Variants in LIN28B observed in about 807,000 individuals in gnomAD.
LIN28B encodes protein lin-28 homolog B.
Under a neutral mutation model 21.9 loss-of-function variants are expected in LIN28B, and 5 were observed. The ratio of observed to expected loss-of-function variants is 0.23; its 90% CI spans 0.12 to 0.48. LIN28B has a LOEUF of 0.48. Ranked by LOEUF, LIN28B falls within the 20% of genes least tolerant of loss-of-function variation. The pLI is 0.98. For synonymous variants in LIN28B, 109 were observed against 111.3 expected, an observed-to-expected ratio of 0.98 and a Z score of 0.13; for missense variants, 245 against 310.5, an observed-to-expected ratio of 0.79 and a Z score of 1.58.
rs559909955 is a variant in LIN28B, at chr6:105,002,931, A to G, written c.199-23367A>G. On this transcript the variant is annotated intron_variant, in intron 2 of 3. Transcript: ENST00000345080. ...GGGCAACAGCATTGTATAGATAGTG[A>G]AAAAGAACACAGACCTTAAAGACAG... 2.0e-5 allele frequency among the ~76,000 whole-genome samples: 3 copies of G among 152,320 alleles called. No homozygotes were observed. In the East Asian group the frequency reaches 5.8e-4, roughly 29 times the overall value.
At chr6:105,001,643 TC>T (rs1339475318) in intron 2 of LIN28B, among the ~76,000 whole-genome samples, 2 of 152,120 alleles carry the variant, frequency 1.3e-5, no homozygotes, top group African/African-American at 4.8e-5. Flanking sequence ...ATTAACAAGG[TC>T]AGTGAACTGC....
chr6:105,040,788 ATT>A (rs1771616503), intron 3 of LIN28B, among the ~76,000 whole-genome samples: 2 of 152,106 alleles, frequency 1.3e-5, no homozygotes, highest in Non-Finnish European at 2.9e-5. Flanking sequence ...GATTTGGTAT[ATT>A]TTACTAAGAA....
At chr6:105,023,273 A>G (rs1214637512) in intron 2 of LIN28B, among the ~76,000 whole-genome samples, 9 of 46,982 alleles carry the variant, frequency 1.9e-4, no homozygotes, top group Non-Finnish European at 3.0e-4. Flanking sequence ...ATTATTTATT[A>G]TTATATATAT....
At chr6:105,023,650 T>A (rs1376033610) in intron 2 of LIN28B, among the ~76,000 whole-genome samples, 1 of 91,170 alleles carries the variant, frequency 1.1e-5, no homozygotes, top group Non-Finnish European at 2.0e-5. Flanking sequence ...AAATATATAA[T>A]ATATATATAT....
intron 2 of LIN28B, among the ~76,000 whole-genome samples, chr6:104,988,264 G>T (rs1010715609): frequency 7.2e-5 from 11 of 152,016 alleles, no homozygotes; most frequent in Non-Finnish European, 4.4e-5. Flanking sequence ...ATGAACAAAT[G>T]TTTTATCAAA....
At chr6:104,998,383 A>G (rs1166274115) in intron 2 of LIN28B, among the ~76,000 whole-genome samples, 4 of 152,200 alleles carry the variant, frequency 2.6e-5, no homozygotes, top group Non-Finnish European at 5.9e-5. Context: ...ATACTTAACA[A>G]TGAGCTTATT....
At chr6:104,980,944 A>G (rs993176987) in intron 2 of LIN28B, among the ~76,000 whole-genome samples, 3 of 152,070 alleles carry the variant, frequency 2.0e-5, no homozygotes, top group Non-Finnish European at 2.9e-5. Context: ...TTTTCATGCT[A>G]TATATTTTCT....
chr6:105,007,219 GATAA>G (rs1271510775), intron 2 of LIN28B, among the ~76,000 whole-genome samples: 5 of 152,212 alleles, frequency 3.3e-5, no homozygotes, highest in South Asian at 2.1e-4. Flanking sequence ...AGTAGTTTAA[GATAA>G]ATAATTTAGA....
At chr6:104,978,089 A>G (rs1400021560) in intron 2 of LIN28B, among the ~76,000 whole-genome samples, 1 of 152,176 alleles carries the variant, frequency 6.6e-6, no homozygotes, top group Non-Finnish European at 1.5e-5. Context: ...CCACTCTTAC[A>G]TATTCATTAT....
upstream of LIN28B, among the ~76,000 whole-genome samples, chr6:104,956,732 T>C (rs1300878505): frequency 6.6e-6 from 1 of 152,206 alleles, no homozygotes; most frequent in Non-Finnish European, 1.5e-5. Flanking sequence ...ATCGGTTGTT[T>C]TATTTAAACG....
intron 3 of LIN28B, among the ~76,000 whole-genome samples, chr6:105,059,751 G>A (rs778707857): frequency 7.9e-5 from 12 of 152,036 alleles, no homozygotes; most frequent in Non-Finnish European, 1.6e-4. Context: ...ATGGCAAATA[G>A]GAATTCATGT....
At chr6:104,986,204 G>A (rs1008144332) in intron 2 of LIN28B, among the ~76,000 whole-genome samples, 7 of 152,064 alleles carry the variant, frequency 4.6e-5, no homozygotes, top group Non-Finnish European at 1.0e-4. Context: ...CTTCTGCCAT[G>A]ATTGTAAGTT....
chr6:104,961,733 A>C (rs1209119293), intron 2 of LIN28B, among the ~76,000 whole-genome samples: 2 of 152,148 alleles, frequency 1.3e-5, no homozygotes, highest in Admixed American at 1.3e-4. Flanking sequence ...TGATTTCATA[A>C]ATCAGAATAT....
upstream of LIN28B, among the ~76,000 whole-genome samples, chr6:104,956,574 A>G (rs1440493285): frequency 6.6e-6 from 1 of 152,184 alleles, no homozygotes; most frequent in African/African-American, 2.4e-5. Context: ...CATTATCTAA[A>G]GTTTCATGGG....
At chr6:105,071,031 C>T (rs960854311) in intron 3 of LIN28B, among the ~76,000 whole-genome samples, 1 of 152,110 alleles carries the variant, frequency 6.6e-6, no homozygotes, top group Non-Finnish European at 1.5e-5. Flanking sequence ...CACGCACTAC[C>T]ATGCCTGGCT....
intron 3 of LIN28B, among the ~76,000 whole-genome samples, chr6:105,034,119 G>A (rs1771477577): frequency 6.6e-6 from 1 of 151,812 alleles, no homozygotes; most frequent in Non-Finnish European, 1.5e-5. Context: ...TATGTTGGTT[G>A]TATACATATA....
intron 2 of LIN28B, among the ~76,000 whole-genome samples, chr6:104,967,457 T>TG (rs1307752561): frequency 6.6e-6 from 1 of 151,178 alleles, no homozygotes. Flanking sequence ...GGCACATGCT[T>TG]GTAATCCCAC....
chr6:105,055,753 T>C (rs1429746873), intron 3 of LIN28B, among the ~76,000 whole-genome samples: 1 of 152,010 alleles, frequency 6.6e-6, no homozygotes. Context: ...GTTGTTGTTT[T>C]AATAGTCTGT....
chr6:104,941,182 T>C (rs1278937339), intron 2 of LIN28B: 1 of 152,196 alleles, frequency 6.6e-6, no homozygotes, highest in Non-Finnish European at 1.5e-5. Flanking sequence ...GGGCGAGGAC[T>C]GGGCACCGCG....
Sources: gnomAD v4.1 joint callset for allele counts (sites outside exome capture counted in the v4.1 genomes callset) on GRCh38, gnomAD v4.1.1 for gene constraint, MANE v1.5 for transcripts, NCBI Gene and HGNC (gene_info 2026-07-23, HGNC 2026-07-21) for gene names.